KLHL7: variants seen among roughly 807,000 people sequenced by gnomAD.
KLHL7 encodes kelch like family member 7.
KLHL7 carries 44 observed loss-of-function variants against 67.4 expected under a neutral mutation model. The observed-to-expected ratio is 0.65, with a 90% CI of 0.51 to 0.84. The LOEUF (loss-of-function observed/expected upper bound fraction) is 0.84, where lower values mean the gene tolerates loss of function less well. Ranked by LOEUF, KLHL7 falls within the 40% of genes least tolerant of loss-of-function variation. The pLI is 0.00. For synonymous variants in KLHL7, 252 were observed against 243.3 expected, an observed-to-expected ratio of 1.04 and a Z score of -0.33; for missense variants, 362 against 718.1, an observed-to-expected ratio of 0.50 and a Z score of 5.67.
intron 4 of KLHL7, among the ~76,000 whole-genome samples, chr7:23,138,866 T>C (rs1784080692): frequency 6.6e-6 from 1 of 152,062 alleles, no homozygotes; most frequent in South Asian, 2.1e-4. Context: ...GCTTGAAGGC[T>C]TTGTGGGTTA....
chr7:23,118,350 G>A (rs1783185219), intron 1 of KLHL7, among the ~76,000 whole-genome samples: 1 of 152,186 alleles, frequency 6.6e-6, no homozygotes, highest in African/African-American at 2.4e-5. Flanking sequence ...ATAGGACATT[G>A]ACCTGAGCAT....
rs776025545 is a variant in KLHL7 at position 23,174,592 on chromosome 7, G to A, written c.*294G>A. 5.8e-6 allele frequency: 3 copies of A among 521,308 alleles called. No homozygotes were observed. Among genetic ancestry groups the A allele is most frequent in the African/African-American group, 5.7e-5 (3 of 52,672 alleles). The allele number at this position is 521,308 out of a possible 1,614,324, so 32.3% of individuals were successfully genotyped here. A position where few individuals can be genotyped will look rare whatever the true frequency, so the allele number is the denominator to read the frequency against. On this transcript the variant is annotated 3_prime_UTR_variant, in exon 11 of 11. Transcript: ENST00000339077. ...TTTCACATTTGTAACTATGATTTTG[G>A]CAGAATAGAAGATTGGCTCATCAGT... is the stretch of plus-strand genomic sequence containing the variant.
At chr7:23,164,207 A>C (rs1455612066) in intron 7 of KLHL7, among the ~76,000 whole-genome samples, 1 of 151,410 alleles carries the variant, frequency 6.6e-6, no homozygotes, top group African/African-American at 2.4e-5. Context: ...TAATCAGCAA[A>C]AAAAAAAAAA....
At chr7:23,116,105 G>C (rs2128457796) in intron 1 of KLHL7, among the ~76,000 whole-genome samples, 1 of 152,336 alleles carries the variant, frequency 6.6e-6, no homozygotes, top group South Asian at 2.1e-4. Flanking sequence ...AGCACAGTTT[G>C]TGGCCTTGCA....
intron 9 of KLHL7, chr7:23,172,657 G>T: frequency 3.8e-6 from 1 of 266,454 alleles, no homozygotes; most frequent in Non-Finnish European, 7.2e-6. Context: ...AAGTTTTTAT[G>T]AACCTCAGGA....
chr7:23,128,125 T>C (rs1783649070), intron 4 of KLHL7, among the ~76,000 whole-genome samples: 1 of 139,774 alleles, frequency 7.2e-6, no homozygotes, highest in Non-Finnish European at 1.5e-5. Context: ...AGAGTGAGAC[T>C]CTGTCTCAAG....
At chr7:23,146,813 A>C (rs1442108576) in intron 6 of KLHL7, among the ~76,000 whole-genome samples, 1 of 152,026 alleles carries the variant, frequency 6.6e-6, no homozygotes, top group East Asian at 1.9e-4. Context: ...CATTAAACTA[A>C]ATTTCCATAT....
intron 7 of KLHL7, among the ~76,000 whole-genome samples, chr7:23,157,565 T>G (rs917184206): frequency 3.3e-5 from 5 of 151,346 alleles, no homozygotes; most frequent in Admixed American, 1.3e-4. Flanking sequence ...AGGTAAGTTC[T>G]CAGTTATATG....
At chr7:23,148,485 A>G (rs976473554) in intron 6 of KLHL7, among the ~76,000 whole-genome samples, 1 of 152,098 alleles carries the variant, frequency 6.6e-6, no homozygotes, top group African/African-American at 2.4e-5. Flanking sequence ...TTTAGAAGAT[A>G]GAACGTACAT....
Position 23,106,107 on chromosome 7 carries a change from G to A in KLHL7, c.81G>A (p.Leu27=), listed in dbSNP as rs1381952893. The A allele has an allele frequency of 2.5e-6, 4 of 1,610,012 alleles. No homozygotes were observed. The East Asian group carries it at 6.7e-5, about 27-fold the overall frequency. The change falls in exon 1 of 11, where the codon TTG becomes TTA. Residue 27 remains leucine (L), a synonymous_variant. Coordinates refer to ENST00000339077, the MANE Select transcript of KLHL7 (RefSeq NM_001031710.3). ...KLAAREEAKL[L]AGFMGVMNNM... is the part of the protein sequence containing the mutation. ...CTGCTCGGGAAGAAGCTAAATTGTT[G>A]GCGGGTTTCATGGGCGTCATGAATA...
At chr7:23,149,108 A>T (rs1784452096) in intron 6 of KLHL7, among the ~76,000 whole-genome samples, 1 of 152,248 alleles carries the variant, frequency 6.6e-6, no homozygotes, top group Non-Finnish European at 1.5e-5. Context: ...CATCCAAAAG[A>T]AAATGAATTA....
intron 8 of KLHL7, among the ~76,000 whole-genome samples, chr7:23,166,920 C>T (rs1002373612): frequency 5.3e-5 from 8 of 152,006 alleles, no homozygotes; most frequent in African/African-American, 1.9e-4. Context: ...ACTGAACCTA[C>T]CAAATCAGGA....
chr7:23,129,361 AC>A, intron 4 of KLHL7: 1 of 372,316 alleles, frequency 2.7e-6, no homozygotes, highest in Non-Finnish European at 5.4e-6. Context: ...GCTTTTCTTG[AC>A]CAAGGGAAAC....
In KLHL7 at chr7:23,168,214, A is replaced by G. The variant is rs144738124; in HGVS notation, c.1379+177A>G. ...TTTATGACCTGGACCTTTCCCTTACACCAGAAATGGCTTGAACTTACACCC... is the reference window on the plus strand; with the variant it reads ...TTTATGACCTGGACCTTTCCCTTACGCCAGAAATGGCTTGAACTTACACCC... On this transcript the variant is annotated intron_variant, in intron 9 of 10. Coordinates refer to ENST00000339077, the MANE Select transcript of KLHL7 (RefSeq NM_001031710.3). The G allele has an allele frequency of 8.0e-4, 495 of 621,196 alleles. 2 individuals are homozygous for G. The highest frequency in any genetic ancestry group is 7.5e-3 in the African/African-American group (406 of 54,364). The allele number at this position is 621,196 out of a possible 1,614,324, so 38.5% of individuals were successfully genotyped here. A position where few individuals can be genotyped will look rare whatever the true frequency, so the allele number is the denominator to read the frequency against.
intron 1 of KLHL7, among the ~76,000 whole-genome samples, chr7:23,117,249 G>A (rs1583644034): frequency 6.6e-6 from 1 of 151,878 alleles, no homozygotes; most frequent in South Asian, 2.1e-4. Context: ...CACCACGCCT[G>A]GCTAATTTTT....
chr7:23,165,405 A>G (rs1014841250), intron 7 of KLHL7, among the ~76,000 whole-genome samples: 1 of 152,210 alleles, frequency 6.6e-6, no homozygotes, highest in Non-Finnish European at 1.5e-5. Context: ...CTTCAATAAC[A>G]GAAGGAATAG....
chr7:23,142,298 A>G (rs1196347895), intron 5 of KLHL7, among the ~76,000 whole-genome samples: 2 of 152,194 alleles, frequency 1.3e-5, no homozygotes, highest in African/African-American at 2.4e-5. Flanking sequence ...TACAACAGCA[A>G]TAGAAAACTA....
At chr7:23,152,929 AC>A (rs1171129906) in intron 7 of KLHL7, among the ~76,000 whole-genome samples, 1 of 152,148 alleles carries the variant, frequency 6.6e-6, no homozygotes, top group African/African-American at 2.4e-5. Context: ...AAAGGATAAC[AC>A]CCCAAACTTG....
At chr7:23,161,695 G>A (rs895056492) in intron 7 of KLHL7, among the ~76,000 whole-genome samples, 1 of 152,196 alleles carries the variant, frequency 6.6e-6, no homozygotes, top group South Asian at 2.1e-4. Flanking sequence ...GCCAGCTGGA[G>A]CCAGTGTAAC....
Sources: allele counts gnomAD v4.1 joint callset (sites outside exome capture counted in the v4.1 genomes callset), GRCh38; gene constraint gnomAD v4.1.1; transcripts MANE v1.5; gene names NCBI Gene and HGNC (gene_info 2026-07-23, HGNC 2026-07-21).